Variants in TRAPPC8 observed in about 807,000 individuals in gnomAD.
The protein encoded by TRAPPC8 is general sporulation gene 1 homolog.
A neutral mutation model predicts 174.3 loss-of-function variants in TRAPPC8; 54 were observed. The ratio of observed to expected loss-of-function variants is 0.31; its 90% CI spans 0.25 to 0.39. The LOEUF (loss-of-function observed/expected upper bound fraction) is 0.39, where lower values mean the gene tolerates loss of function less well. TRAPPC8 is among the 10% of genes least tolerant of loss of function. The probability of loss-of-function intolerance (pLI) is 1.00; values close to 1 mark genes in which losing one functional copy is unlikely to be tolerated. For synonymous variants in TRAPPC8, 630 were observed against 579.9 expected, an observed-to-expected ratio of 1.09 and a Z score of -1.24; for missense variants, 1,531 against 1,699.1, an observed-to-expected ratio of 0.90 and a Z score of 1.74.
At chr18:31,866,786 A>T in intron 18 of TRAPPC8, 63 bp downstream of exon 18, 2 of 1,561,228 alleles carry the variant, frequency 1.3e-6, no homozygotes, top group South Asian at 1.2e-5. Context: ...ATTTTTGTCC[A>T]TTTTATTCTA....
intron 6 of TRAPPC8, chr18:31,909,449 TAAAAG>T (rs1454729660): frequency 3.6e-6 from 2 of 549,896 alleles, no homozygotes; most frequent in East Asian, 1.4e-4. Context: ...CAAAATATTT[TAAAAG>T]AAATCTATAC....
intron 16 of TRAPPC8, 121 bp from the exon 17 acceptor site, chr18:31,867,597 T>TATAC: frequency 3.1e-6 from 2 of 641,126 alleles, no homozygotes; most frequent in South Asian, 2.4e-5. Flanking sequence ...ACTTGGTTTT[T>TATAC]ACCACATGCT....
Position 31,891,704 on chromosome 18 carries a change from C to T in TRAPPC8, c.1597-838G>A, listed in dbSNP as rs768901212. Among the ~76,000 whole-genome samples the T allele has an allele frequency of 3.3e-5, 5 of 152,174 alleles. 1 individual carries two copies. Among genetic ancestry groups the T allele is most frequent in the Non-Finnish European group, 7.3e-5 (5 of 68,032 alleles). Reference sequence around the variant, plus strand: ...TGTTCTCAAGCTGAACTTACCATGCCCTTCCATGTGTTCTGCTGCCATTAT... The same window carrying T: ...TGTTCTCAAGCTGAACTTACCATGCTCTTCCATGTGTTCTGCTGCCATTAT... On this transcript the variant is annotated intron_variant, in intron 11 of 28. Transcript: ENST00000283351.
At chr18:31,914,707 G>T (rs1027448021) in intron 4 of TRAPPC8, among the ~76,000 whole-genome samples, 1 of 152,132 alleles carries the variant, frequency 6.6e-6, no homozygotes, top group Non-Finnish European at 1.5e-5. Flanking sequence ...TAAGGCATCA[G>T]AATAGTTTCA....
At position 31,908,291 on chromosome 18, in the gene TRAPPC8, C is replaced by A. The variant is rs201011394; in HGVS notation, c.1238+12G>T. Reference sequence around the variant, plus strand: ...AACAGAGGAAAAACAAAAATGATAACACTTTACTCACAGCAAGCCAGATGT... The same window carrying A: ...AACAGAGGAAAAACAAAAATGATAAAACTTTACTCACAGCAAGCCAGATGT... On this transcript the variant is annotated intron_variant, in intron 8 of 28. Coordinates refer to ENST00000283351, the MANE Select transcript of TRAPPC8 (RefSeq NM_014939.5). The A allele has an allele frequency of 1.1e-5, 18 of 1,565,836 alleles. No homozygotes were observed. In the African/African-American group the frequency reaches 2.3e-4, roughly 20 times the overall value.
chr18:31,934,949 CATAAATAAATAAATAAATAA>C (rs59323781), intron 1 of TRAPPC8, among the ~76,000 whole-genome samples: 13 of 140,380 alleles, frequency 9.3e-5, no homozygotes, highest in Admixed American at 2.2e-4. Context: ...GGCTCCGTCT[CATAAATAAATAAATAAATAA>C]ATAAATAAAT....
chr18:31,899,515 T>C (rs150769853), intron 10 of TRAPPC8, among the ~76,000 whole-genome samples: 2 of 152,338 alleles, frequency 1.3e-5, no homozygotes, highest in East Asian at 3.8e-4. Context: ...ATATCTGCCT[T>C]CCAGTGCATC....
chr18:31,918,320 G>A (rs988208773), intron 2 of TRAPPC8, among the ~76,000 whole-genome samples: 3 of 152,076 alleles, frequency 2.0e-5, no homozygotes, highest in Non-Finnish European at 4.4e-5. Context: ...TTACCTACAT[G>A]AGTAAAAAGA....
intron 25 of TRAPPC8, among the ~76,000 whole-genome samples, chr18:31,848,399 A>G (rs2033522744): frequency 6.6e-6 from 1 of 152,240 alleles, no homozygotes; most frequent in Non-Finnish European, 1.5e-5. Context: ...ATAGATTGCT[A>G]CACGGCATAA....
At chr18:31,855,901 C>T in intron 20 of TRAPPC8, 94 bp from the exon 21 acceptor site, 1 of 1,320,370 alleles carries the variant, frequency 7.6e-7, no homozygotes, top group Non-Finnish European at 1.0e-6. Flanking sequence ...AAACTGATCA[C>T]TCTCAGGACC....
At chr18:31,901,689 A>T (rs1002109484) in intron 9 of TRAPPC8, among the ~76,000 whole-genome samples, 1 of 152,210 alleles carries the variant, frequency 6.6e-6, no homozygotes, top group East Asian at 1.9e-4. Context: ...CACTGGCTAC[A>T]TGGGGAGCAA....
intron 20 of TRAPPC8, among the ~76,000 whole-genome samples, chr18:31,856,055 A>AT (rs959847296): frequency 6.6e-6 from 1 of 152,140 alleles, no homozygotes; most frequent in Non-Finnish European, 1.5e-5. Context: ...ATTCATCTGT[A>AT]TAACACATAA....
chr18:31,839,983 G>A (rs1296955074), intron 26 of TRAPPC8, among the ~76,000 whole-genome samples: 1 of 152,138 alleles, frequency 6.6e-6, no homozygotes, highest in Non-Finnish European at 1.5e-5. Flanking sequence ...ACTAGCTAAA[G>A]GTTAAAATGC....
chr18:31,834,933 T>A (rs1401734330), intron 27 of TRAPPC8, among the ~76,000 whole-genome samples: 1 of 152,160 alleles, frequency 6.6e-6, no homozygotes, highest in Non-Finnish European at 1.5e-5. Context: ...TGTTTCTACA[T>A]CTATCTTTAA....
intron 5 of TRAPPC8, among the ~76,000 whole-genome samples, chr18:31,911,705 C>A (rs1030649398): frequency 2.8e-5 from 4 of 141,072 alleles, no homozygotes; most frequent in Non-Finnish European, 6.0e-5. Context: ...TGCAGTGAGC[C>A]GAGATCATGC....
intron 1 of TRAPPC8, among the ~76,000 whole-genome samples, chr18:31,932,214 T>A (rs1213060261): frequency 3.3e-5 from 5 of 151,624 alleles, no homozygotes; most frequent in Non-Finnish European, 5.9e-5. Flanking sequence ...CAGCTTGAAG[T>A]CAGGAGTTGG....
In TRAPPC8 at chr18:31,874,681, A is replaced by G. The variant is rs2276145; in HGVS notation, c.1752T>C (p.Tyr584=). 0.18 allele frequency: 291,665 copies of G among 1,613,390 alleles called. 28,586 individuals carry two copies. The highest frequency in any genetic ancestry group is 0.3 in the South Asian group (27,370 of 90,956). ...CTTTGTAAACTTGCATGGCTTGACA[A>G]TAACAGCGTAAAGCATGCTTTTTCT... ...AGQKKHALRC[Y]CQAMQVYKGK... is the part of the protein sequence containing the mutation. The change falls in exon 13 of 29, where the codon TAT becomes TAC. Residue 584 remains tyrosine (Y), a synonymous_variant. Transcript: ENST00000283351.
chr18:31,893,380 GGTGTGT>G lies in TRAPPC8; in HGVS notation c.1597-2520_1597-2515del, dbSNP rs10660521. Among the ~76,000 whole-genome samples, 9 of 149,736 alleles carry G rather than the reference GGTGTGT, an allele frequency of 6.0e-5. No individual in the cohort carries two copies. In the South Asian group the frequency reaches 1.3e-3, roughly 21 times the overall value. On this transcript the variant is annotated intron_variant, in intron 11 of 28. Coordinates refer to ENST00000283351, the MANE Select transcript of TRAPPC8 (RefSeq NM_014939.5). ...AGTGCTCTCCTAGTATTTGCTTCTA[GGTGTGT>G]GTGTGTGTGTGTGTGTGCGCGCGCG... is the stretch of plus-strand genomic sequence containing the variant.
intron 4 of TRAPPC8, 106 bp downstream of exon 4, chr18:31,916,166 T>C: frequency 1.2e-6 from 1 of 845,222 alleles, no homozygotes; most frequent in Non-Finnish European, 1.7e-6. Flanking sequence ...ACATTAAACT[T>C]TTACATTCTT....
Sources: allele counts gnomAD v4.1 joint callset (sites outside exome capture counted in the v4.1 genomes callset), GRCh38; gene constraint gnomAD v4.1.1; transcripts MANE v1.5; gene names NCBI Gene and HGNC (gene_info 2026-07-23, HGNC 2026-07-21).